TESMIN: variants seen among roughly 807,000 people sequenced by gnomAD.
The protein encoded by TESMIN is testis expressed metallothionein like protein, also known as CXC domain containing 2.
In TESMIN, 34 loss-of-function variants were observed where a neutral mutation model predicts 47.4. The ratio of observed to expected loss-of-function variants is 0.72; its 90% CI spans 0.55 to 0.96. The LOEUF (loss-of-function observed/expected upper bound fraction) is 0.96. Ranked by LOEUF, TESMIN falls within the 40% of genes least tolerant of loss-of-function variation. TESMIN has a pLI of 0.00. For missense variants in TESMIN, 610 were observed against 637.2 expected (o/e 0.96, Z 0.46); for synonymous variants, 278 against 258.9 (o/e 1.07, Z -0.71).
At chr11:68,710,088 G>A (rs1297487443) in intron 9 of TESMIN, among the ~76,000 whole-genome samples, 4 of 152,186 alleles carry the variant, frequency 2.6e-5, no homozygotes, top group African/African-American at 7.2e-5. Flanking sequence ...AACCTGGGGA[G>A]GTTGAGGCTG....
At chr11:68,747,167 A>G (rs769721788) in intron 3 of TESMIN, 41 bp downstream of exon 3, 2 of 1,582,134 alleles carry the variant, frequency 1.3e-6, no homozygotes, top group Non-Finnish European at 8.7e-7. Flanking sequence ...TCCAGCATTT[A>G]GTATAATGTT....
At chr11:68,728,532 T>G (rs560722142) in intron 6 of TESMIN, among the ~76,000 whole-genome samples, 2 of 152,362 alleles carry the variant, frequency 1.3e-5, no homozygotes, top group African/African-American at 4.8e-5. Context: ...AAGATCTAGC[T>G]GAGATCACTG....
chr11:68,710,762 C>T (rs903766447), intron 9 of TESMIN, 112 bp downstream of exon 9: 22 of 1,080,656 alleles, frequency 2.0e-5, no homozygotes, highest in African/African-American at 9.6e-5. Context: ...CCCAAACACA[C>T]GCCCGCCCCT....
At position 68,750,254 on chromosome 11, in the gene TESMIN, G is replaced by T; in HGVS notation, c.407C>A (p.Ala136Glu). The T allele has an allele frequency of 6.5e-7, 1 of 1,539,768 alleles. No homozygotes were observed. The highest frequency in any genetic ancestry group is 2.4e-5 in the East Asian group (1 of 41,212). ...SSLLPAHRSPAVLPLGAWVLE... is the reference protein window; with the variant it reads ...SSLLPAHRSPEVLPLGAWVLE... The stretch of plus-strand genomic sequence containing the variant: ...GACCCAGGCGCCCAGGGGCAACACC[G>T]CCGGGCTGCGGTGCGCGGGTAGCAG... The change falls in exon 2 of 10, where the codon GCG (alanine) becomes GAG (glutamate). Residue 136 changes from alanine (A) to glutamate (E), a missense_variant. Physicochemically the swap from Ala to Glu is moderately radical, Grantham distance 107 (BLOSUM62 -1). Transcript: ENST00000255087.
chr11:68,721,183 C>G (rs2153991170), intron 6 of TESMIN, among the ~76,000 whole-genome samples: 1 of 152,300 alleles, frequency 6.6e-6, no homozygotes, highest in Non-Finnish European at 1.5e-5. Context: ...TCACTTTATA[C>G]TGAGCATGTA....
intron 6 of TESMIN, among the ~76,000 whole-genome samples, chr11:68,725,477 T>A (rs557482904): frequency 7.2e-5 from 11 of 152,280 alleles, no homozygotes; most frequent in African/African-American, 2.6e-4. Context: ...CTGGCAACAC[T>A]GCAACACTTT....
chr11:68,745,870 A>C (rs1946514070), intron 3 of TESMIN, among the ~76,000 whole-genome samples: 1 of 152,184 alleles, frequency 6.6e-6, no homozygotes, highest in Non-Finnish European at 1.5e-5. Flanking sequence ...GCCCTGCTTC[A>C]GGCTGTGGCA....
intron 6 of TESMIN, among the ~76,000 whole-genome samples, chr11:68,722,201 T>C (rs1261028792): frequency 1.3e-5 from 2 of 152,190 alleles, no homozygotes; most frequent in Non-Finnish European, 2.9e-5. Context: ...TGAGTCCATT[T>C]ATGTGAAGGA....
intron 6 of TESMIN, chr11:68,733,765 T>C (rs907201053): frequency 6.6e-6 from 1 of 152,224 alleles, no homozygotes; most frequent in Non-Finnish European, 1.5e-5. Flanking sequence ...AGCTGGTTAC[T>C]CCTTATATAG....
chr11:68,726,955 G>C (rs769056619), intron 6 of TESMIN, among the ~76,000 whole-genome samples: 1 of 151,886 alleles, frequency 6.6e-6, no homozygotes, highest in African/African-American at 2.4e-5. Flanking sequence ...ATAGCAGGAG[G>C]TTGAGGCAGG....
chr11:68,748,567 C>T (rs1946550014), intron 2 of TESMIN, among the ~76,000 whole-genome samples: 1 of 152,134 alleles, frequency 6.6e-6, no homozygotes, highest in African/African-American at 2.4e-5. Context: ...CCATTTCTGA[C>T]CTTTCAAAAC....
rs181237143 is a variant in TESMIN, at chr11:68,751,258, G to T, written c.-40+162C>A. Among the ~76,000 whole-genome samples the T allele has an allele frequency of 5.6e-3, 844 of 150,158 alleles. 3 individuals are homozygous for T. Among genetic ancestry groups the T allele is most frequent in the African/African-American group, 0.02 (814 of 40,698 alleles). The stretch of plus-strand genomic sequence containing the variant: ...GGTGAGGAGCAGCCAGGGGAGGGGG[G>T]GCCAGGTGAGGTGCGACCAGGTGAG... On this transcript the variant is annotated intron_variant, in intron 1 of 9. Coordinates refer to ENST00000255087, the MANE Select transcript of TESMIN (RefSeq NM_004923.3).
At chr11:68,706,776 C>T (rs1171099602), downstream of TESMIN, among the ~76,000 whole-genome samples, 2 of 152,244 alleles carry the variant, frequency 1.3e-5, no homozygotes, top group Non-Finnish European at 2.9e-5. Context: ...ATTTTACCTG[C>T]TCCTTTTCAA....
chr11:68,745,542 C>T (rs1009271220), intron 3 of TESMIN, among the ~76,000 whole-genome samples: 5 of 152,168 alleles, frequency 3.3e-5, no homozygotes, highest in African/African-American at 1.2e-4. Flanking sequence ...GAGGCCCTGG[C>T]GGCATGTCCC....
At chr11:68,722,969 G>T (rs1799813757) in intron 6 of TESMIN, among the ~76,000 whole-genome samples, 1 of 152,076 alleles carries the variant, frequency 6.6e-6, no homozygotes, top group Admixed American at 6.6e-5. Flanking sequence ...TTAAGTGAGG[G>T]ATCTCAACAC....
intron 9 of TESMIN, among the ~76,000 whole-genome samples, chr11:68,710,320 T>C (rs1268439531): frequency 6.6e-6 from 1 of 152,190 alleles, no homozygotes; most frequent in Admixed American, 6.5e-5. Flanking sequence ...AACAAATGAA[T>C]GGAATCTAAT....
downstream of TESMIN, among the ~76,000 whole-genome samples, chr11:68,706,000 G>C (rs763182735): frequency 7.0e-6 from 1 of 142,808 alleles, no homozygotes; most frequent in Non-Finnish European, 1.5e-5. Flanking sequence ...TTCAGCCTGG[G>C]CAACAGAGTG....
At chr11:68,738,133 A>C (rs1275135901) in intron 6 of TESMIN, 1 of 986,010 alleles carries the variant, frequency 1.0e-6, no homozygotes, top group East Asian at 1.1e-4. Context: ...ACAGGCAAGA[A>C]ATAGCAAGAT....
intron 8 of TESMIN, among the ~76,000 whole-genome samples, chr11:68,712,502 G>A (rs1247658772): frequency 6.6e-6 from 1 of 152,200 alleles, no homozygotes; most frequent in Non-Finnish European, 1.5e-5. Flanking sequence ...AACCAAAACA[G>A]AGGTTTGTAA....
Sources: gnomAD v4.1 joint callset for allele counts (sites outside exome capture counted in the v4.1 genomes callset) on GRCh38, gnomAD v4.1.1 for gene constraint, MANE v1.5 for transcripts, NCBI Gene and HGNC (gene_info 2026-07-23, HGNC 2026-07-21) for gene names.